The following NF2 variants were observed in gnomAD, a reference collection of about 807,000 sequenced individuals.
NF2 encodes the protein merlin.
In NF2, 8 loss-of-function variants were observed where a neutral mutation model predicts 83.7. The observed-to-expected ratio is 0.10, with a 90% confidence interval of 0.06 to 0.17. The LOEUF is 0.17. Ranked by LOEUF, NF2 falls within the 10% of genes least tolerant of loss-of-function variation. The pLI, the probability that NF2 is intolerant of heterozygous loss-of-function variation, is 1.00. For synonymous variants in NF2, 266 were observed against 269.6 expected (o/e 0.99, Z 0.13); for missense variants, 533 against 744.4 (o/e 0.72, Z 3.31).
At chr22:29,624,822 TTTCTTTCTTTC>T (rs1240802897) in intron 1 of NF2, among the ~76,000 whole-genome samples, 1 of 135,684 alleles carries the variant, frequency 7.4e-6, no homozygotes, top group African/African-American at 2.8e-5. Flanking sequence ...TCTTTCTTTC[TTTCTTTCTTTC>T]TTTCTTTCTT....
intron 1 of NF2, among the ~76,000 whole-genome samples, chr22:29,606,472 C>A (rs145665965): frequency 6.7e-4 from 102 of 152,366 alleles, no homozygotes; most frequent in Non-Finnish European, 1.3e-3. Context: ...TCCTTCCCCA[C>A]AGCTCCAGAG....
intron 9 of NF2, 135 bp from the exon 10 acceptor site, chr22:29,668,198 G>A (rs1341916238): frequency 8.7e-6 from 6 of 686,838 alleles, no homozygotes; most frequent in South Asian, 1.5e-5. Context: ...TAGGGCTTTG[G>A]TGTTTCACTC....
At chr22:29,660,255 C>T (rs1412015878) in intron 7 of NF2, among the ~76,000 whole-genome samples, 5 of 152,150 alleles carry the variant, frequency 3.3e-5, no homozygotes, top group Non-Finnish European at 5.9e-5. Flanking sequence ...TGGCCAGGAC[C>T]GCTGTCAGGG....
In NF2 at chr22:29,635,409, A is replaced by G. The variant is rs565350879; in HGVS notation, c.115-1342A>G. ...AGTGGCATGATCTCGGCTCACTGCA[A>G]CCTCCGCCTCCCGGTTTCGAGTGAT... is the stretch of plus-strand genomic sequence containing the variant. On this transcript the variant is annotated intron_variant, in intron 1 of 15. Coordinates refer to ENST00000338641, the MANE Select transcript of NF2 (RefSeq NM_000268.4). 4.0e-5 allele frequency among the ~76,000 whole-genome samples: 6 copies of G among 151,898 alleles called. No homozygotes were observed. In the East Asian group the frequency reaches 9.7e-4, roughly 24 times the overall value.
At chr22:29,648,912 C>T (rs1184240743) in intron 4 of NF2, among the ~76,000 whole-genome samples, 1 of 152,082 alleles carries the variant, frequency 6.6e-6, no homozygotes, top group Admixed American at 6.6e-5. Flanking sequence ...CATTTAACTG[C>T]CGAACTATGT....
At chr22:29,625,013 A>G (rs1330897178) in intron 1 of NF2, among the ~76,000 whole-genome samples, 2 of 143,268 alleles carry the variant, frequency 1.4e-5, no homozygotes, top group Non-Finnish European at 3.1e-5. Context: ...GCTCACTGCA[A>G]CCTCCGCCTC....
At chr22:29,635,754 A>G (rs2065632475) in intron 1 of NF2, among the ~76,000 whole-genome samples, 1 of 152,054 alleles carries the variant, frequency 6.6e-6, no homozygotes. Context: ...CATTTTTCCC[A>G]TGTCTGTCGA....
intron 1 of NF2, among the ~76,000 whole-genome samples, chr22:29,614,376 A>C (rs188966945): frequency 1.4e-3 from 210 of 152,212 alleles, no homozygotes; most frequent in African/African-American, 4.6e-3. Flanking sequence ...CAGGAGATCA[A>C]GACCATCCTG....
At position 29,696,143 on chromosome 22, in the gene NF2, G is replaced by A. The variant is rs1302019048; in HGVS notation, c.*1341G>A. The A allele has an allele frequency of 3.2e-5, 7 of 217,662 alleles. No homozygotes were observed. The highest frequency in any genetic ancestry group is 1.4e-4 in the African/African-American group (6 of 41,986). 13.5% of individuals were successfully genotyped at this position (217,662 alleles called of 1,614,324 possible). A position where few individuals can be genotyped will look rare whatever the true frequency, so the allele number is the denominator to read the frequency against. ...GGTGGGAGTGTGGTGGCACAATCTCGGCTCACTGCAACCTCCACCTCCTGA... is the reference window on the plus strand; with the variant it reads ...GGTGGGAGTGTGGTGGCACAATCTCAGCTCACTGCAACCTCCACCTCCTGA... On this transcript the variant is annotated 3_prime_UTR_variant, in exon 16 of 16. Coordinates refer to ENST00000338641, the MANE Select transcript of NF2 (RefSeq NM_000268.4).
In NF2 at chr22:29,672,029, A is replaced by G. The variant is rs932312555; in HGVS notation, c.1122+81A>G. On this transcript the variant is annotated intron_variant, in intron 11 of 15. Transcript: ENST00000338641. ...TCTGGAGCTTGGTCTCCTGAAAACC[A>G]TGAGTTAGCAGCGTTTGCTTTGAAA... 4 of 1,598,402 alleles carry G rather than the reference A, an allele frequency of 2.5e-6. No individual in the cohort carries two copies. The African/African-American group carries it at 5.4e-5, about 21-fold the overall frequency.
At position 29,696,851 on chromosome 22, in the gene NF2, C is replaced by G. The variant is rs536498397; in HGVS notation, c.*2049C>G. 2.8e-3 allele frequency: 478 copies of G among 170,990 alleles called. 2 individuals are homozygous for G. Among genetic ancestry groups the G allele is most frequent in the African/African-American group, 0.012 (451 of 38,038 alleles). The allele number at this position is 170,990 out of a possible 1,614,324, so 10.6% of individuals were successfully genotyped here. On this transcript the variant is annotated 3_prime_UTR_variant, in exon 16 of 16. Transcript: ENST00000338641. The stretch of plus-strand genomic sequence containing the variant: ...TTTTTTTTTGAGATGGAGTCTCGCT[C>G]TGTCGCCCAGGCTGGAGTGCAGTGT...
At chr22:29,647,970 T>C (rs942028089) in intron 4 of NF2, among the ~76,000 whole-genome samples, 1 of 151,630 alleles carries the variant, frequency 6.6e-6, no homozygotes, top group Non-Finnish European at 1.5e-5. Flanking sequence ...AATAAATACA[T>C]ACATACAAAA....
chr22:29,673,981 G>A (rs1181955221), intron 12 of NF2, among the ~76,000 whole-genome samples: 1 of 152,182 alleles, frequency 6.6e-6, no homozygotes, highest in African/African-American at 2.4e-5. Context: ...CTCTGTGACT[G>A]GGATGTCCCA....
chr22:29,668,215 T>C lies in NF2; in HGVS notation c.886-118T>C, dbSNP rs961470472. 27 of 734,236 alleles carry C rather than the reference T, an allele frequency of 3.7e-5. No individual in the cohort carries two copies. In the South Asian group the frequency reaches 4.0e-4, roughly 11 times the overall value. 45.5% of individuals were successfully genotyped at this position (734,236 alleles called of 1,614,324 possible). ...GGGCTTTGGTGTTTCACTCTATGCATTCATCTTCACGTTTACTGCTACCTG... is the reference window on the plus strand; with the variant it reads ...GGGCTTTGGTGTTTCACTCTATGCACTCATCTTCACGTTTACTGCTACCTG... On this transcript the variant is annotated intron_variant, in intron 9 of 15. Transcript: ENST00000338641.
intron 4 of NF2, among the ~76,000 whole-genome samples, chr22:29,653,352 G>A (rs775391895): frequency 3.3e-5 from 5 of 151,312 alleles, no homozygotes; most frequent in Non-Finnish European, 7.4e-5. Flanking sequence ...ACTGAGGCAG[G>A]AGAATTGCTT....
At chr22:29,643,820 G>A (rs894121440) in intron 4 of NF2, among the ~76,000 whole-genome samples, 5 of 152,272 alleles carry the variant, frequency 3.3e-5, no homozygotes, top group South Asian at 2.1e-4. Flanking sequence ...CCTCCCAGAC[G>A]GGGTGGTGGC....
intron 15 of NF2, among the ~76,000 whole-genome samples, chr22:29,682,539 G>T (rs1445326376): frequency 1.3e-5 from 2 of 152,206 alleles, no homozygotes; most frequent in African/African-American, 4.8e-5. Flanking sequence ...ACCGGGTAGA[G>T]AATTCCTTTT....
rs34646924 is a variant in NF2 at position 29,605,151 on chromosome 22, ATTTTTTTT to A, written c.114+1054_114+1061del. Among the ~76,000 whole-genome samples the A allele has an allele frequency of 4.6e-4, 47 of 101,886 alleles. No individual in the cohort carries two copies. In the East Asian group the frequency reaches 0.011, roughly 23 times the overall value. 66.8% of individuals were successfully genotyped at this position (101,886 alleles called of 152,430 possible). A position where few individuals can be genotyped will look rare whatever the true frequency, so the allele number is the denominator to read the frequency against. ...AGGCGTGTGCCACCACACCTGGCTAATTTTTTTTTTTTTTTTTTTTTTGAGACGGAGTC... is the reference window on the plus strand; with the variant it reads ...AGGCGTGTGCCACCACACCTGGCTAATTTTTTTTTTTTTTGAGACGGAGTC... On this transcript the variant is annotated intron_variant, in intron 1 of 15. Transcript: ENST00000338641.
intron 15 of NF2, 83 bp downstream of exon 15, chr22:29,681,684 G>C: frequency 6.5e-7 from 1 of 1,537,752 alleles, no homozygotes; most frequent in Non-Finnish European, 9.0e-7. Flanking sequence ...TTCCTCAGTA[G>C]CCAAGTCACT....
Sources: allele counts gnomAD v4.1 joint callset (sites outside exome capture counted in the v4.1 genomes callset), GRCh38; gene constraint gnomAD v4.1.1; transcripts MANE v1.5; gene names NCBI Gene and HGNC (gene_info 2026-07-23, HGNC 2026-07-21).